EDIL3: variants seen among roughly 807,000 people sequenced by gnomAD.
The protein encoded by EDIL3 is EGF-like repeat and discoidin I-like domain-containing protein 3.
EDIL3 carries 37 observed loss-of-function variants against 67.4 expected under a neutral mutation model. The ratio of observed to expected loss-of-function variants is 0.55; its 90% CI spans 0.42 to 0.72. The LOEUF (loss-of-function observed/expected upper bound fraction) is 0.72, where lower values mean the gene tolerates loss of function less well. Among genes scored for constraint, EDIL3 ranks in the 30% least tolerant of loss-of-function variants. The pLI is 0.00. For missense variants in EDIL3, 527 were observed against 586.3 expected, an observed-to-expected ratio of 0.90 and a Z score of 1.04; for synonymous variants, 195 against 196.3, an observed-to-expected ratio of 0.99 and a Z score of 0.05.
At chr5:84,009,453 C>G (rs1008492191) in intron 9 of EDIL3, among the ~76,000 whole-genome samples, 2 of 152,016 alleles carry the variant, frequency 1.3e-5, no homozygotes, top group Non-Finnish European at 2.9e-5. Context: ...ACTTAGTAAG[C>G]CTTTGTTTTG....
At chr5:84,247,417 A>G (rs1170588865) in intron 2 of EDIL3, among the ~76,000 whole-genome samples, 1 of 152,184 alleles carries the variant, frequency 6.6e-6, no homozygotes, top group African/African-American at 2.4e-5. Flanking sequence ...AGACTCTATT[A>G]TACTACTTGA....
intron 1 of EDIL3, among the ~76,000 whole-genome samples, chr5:84,346,135 C>CTTTTTTTTTT (rs912729041): frequency 4.9e-5 from 6 of 122,902 alleles, no homozygotes; most frequent in Admixed American, 9.2e-5. Context: ...CTTTTTTTTT[C>CTTTTTTTTTT]TTTTTTTTTT....
chr5:84,260,015 C>A (rs190007598), intron 1 of EDIL3, among the ~76,000 whole-genome samples: 1 of 152,144 alleles, frequency 6.6e-6, no homozygotes, highest in Non-Finnish European at 1.5e-5. Context: ...GAAAGGACAG[C>A]TGATTTTGTT....
At chr5:84,375,510 T>C (rs1435169073) in intron 1 of EDIL3, among the ~76,000 whole-genome samples, 1 of 152,164 alleles carries the variant, frequency 6.6e-6, no homozygotes, top group African/African-American at 2.4e-5. Flanking sequence ...TAAAATTAAA[T>C]GAGGATGAGA....
At chr5:84,077,321 A>G (rs1297752450) in intron 6 of EDIL3, among the ~76,000 whole-genome samples, 1 of 152,170 alleles carries the variant, frequency 6.6e-6, no homozygotes, top group Non-Finnish European at 1.5e-5. Context: ...CTGCTTCTTC[A>G]AGGGATATGT....
chr5:84,076,652 T>G (rs1746862487), intron 6 of EDIL3, among the ~76,000 whole-genome samples: 1 of 152,244 alleles, frequency 6.6e-6, no homozygotes. Context: ...TTGGAATGTA[T>G]GAAACTCACA....
At chr5:84,023,103 A>G (rs535798623) in intron 9 of EDIL3, among the ~76,000 whole-genome samples, 2 of 152,140 alleles carry the variant, frequency 1.3e-5, no homozygotes, top group South Asian at 2.1e-4. Context: ...AGTGTCTGAC[A>G]CAAGTTCTGG....
intron 5 of EDIL3, among the ~76,000 whole-genome samples, chr5:84,124,909 T>C (rs751420712): frequency 1.3e-4 from 20 of 152,044 alleles, no homozygotes; most frequent in Non-Finnish European, 2.4e-4. Context: ...ATTGTTTTCC[T>C]TCTCAGGTAC....
chr5:84,253,963 T>C, intron 2 of EDIL3, 121 bp downstream of exon 2: 1 of 974,098 alleles, frequency 1.0e-6, no homozygotes. Flanking sequence ...TACACAAAAG[T>C]AAACTAATTA....
At chr5:84,162,600 T>A (rs1748632855) in intron 4 of EDIL3, among the ~76,000 whole-genome samples, 1 of 152,064 alleles carries the variant, frequency 6.6e-6, no homozygotes, top group African/African-American at 2.4e-5. Context: ...CTGCCTTCTT[T>A]TATGGGCCTT....
chr5:84,368,525 T>C (rs765182159), intron 1 of EDIL3, among the ~76,000 whole-genome samples: 8 of 152,056 alleles, frequency 5.3e-5, no homozygotes, highest in Non-Finnish European at 5.9e-5. Flanking sequence ...TTCAAAACTC[T>C]GAGAAGACAA....
At chr5:84,376,554 T>C (rs1424099570) in intron 1 of EDIL3, among the ~76,000 whole-genome samples, 1 of 152,060 alleles carries the variant, frequency 6.6e-6, no homozygotes, top group Non-Finnish European at 1.5e-5. Flanking sequence ...CTTGCAGGAG[T>C]GTTGAGAAAT....
chr5:84,086,620 G>A (rs972256227), intron 6 of EDIL3, among the ~76,000 whole-genome samples: 23 of 152,076 alleles, frequency 1.5e-4, no homozygotes, highest in Non-Finnish European at 2.8e-4. Flanking sequence ...CCTCCAAAAA[G>A]GGCTTCCTTT....
intron 1 of EDIL3, among the ~76,000 whole-genome samples, chr5:84,296,128 A>G (rs923071959): frequency 5.9e-5 from 9 of 152,228 alleles, no homozygotes; most frequent in Admixed American, 5.9e-4. Context: ...TGATTTGTAC[A>G]CATCAGTTAC....
intron 6 of EDIL3, among the ~76,000 whole-genome samples, chr5:84,084,540 C>A (rs895805845): frequency 6.6e-6 from 1 of 152,160 alleles, no homozygotes; most frequent in Admixed American, 6.5e-5. Context: ...CTGGCATTCA[C>A]AAATTCCCTC....
chr5:84,315,119 A>G (rs775924323), intron 1 of EDIL3, among the ~76,000 whole-genome samples: 2 of 152,186 alleles, frequency 1.3e-5, no homozygotes, highest in Admixed American at 6.5e-5. Flanking sequence ...GAACTAAGGC[A>G]TGTAATACCC....
chr5:84,152,384 CA>C (rs1297243187), intron 4 of EDIL3, among the ~76,000 whole-genome samples: 1 of 152,134 alleles, frequency 6.6e-6, no homozygotes, highest in African/African-American at 2.4e-5. Flanking sequence ...TTCAAGACAA[CA>C]ATTTCCATGG....
intron 6 of EDIL3, among the ~76,000 whole-genome samples, chr5:84,104,497 A>T (rs1198131159): frequency 6.6e-6 from 1 of 151,988 alleles, no homozygotes; most frequent in Non-Finnish European, 1.5e-5. Context: ...ATTCCTAAAA[A>T]TTTATTGAAT....
intron 2 of EDIL3, among the ~76,000 whole-genome samples, chr5:84,250,298 G>A (rs1022900802): frequency 6.6e-6 from 1 of 152,156 alleles, no homozygotes; most frequent in Non-Finnish European, 1.5e-5. Flanking sequence ...GTGTGTGATA[G>A]CTGTGTGTGG....
Sources: allele counts gnomAD v4.1 joint callset (sites outside exome capture counted in the v4.1 genomes callset), GRCh38; gene constraint gnomAD v4.1.1; transcripts MANE v1.5; gene names NCBI Gene and HGNC (gene_info 2026-07-23, HGNC 2026-07-21).